IGF1R: variants seen among roughly 807,000 people sequenced by gnomAD.
The protein encoded by IGF1R is insulin-like growth factor 1 receptor.
A neutral mutation model predicts 144.6 loss-of-function variants in IGF1R; 44 were observed. The ratio of observed to expected loss-of-function variants is 0.30; its 90% confidence interval spans 0.24 to 0.39. IGF1R has a LOEUF of 0.39. Among genes scored for constraint, IGF1R ranks in the 10% least tolerant of loss-of-function variants. IGF1R has a pLI of 1.00. For missense variants in IGF1R, 1,355 were observed against 1,833.7 expected, an observed-to-expected ratio of 0.74 and a Z score of 4.77; for synonymous variants, 795 against 722.8, an observed-to-expected ratio of 1.10 and a Z score of -1.60.
At chr15:98,739,004 G>A (rs2054676119) in intron 2 of IGF1R, among the ~76,000 whole-genome samples, 1 of 151,902 alleles carries the variant, frequency 6.6e-6, no homozygotes, top group South Asian at 2.1e-4. Flanking sequence ...AAACTCAAGA[G>A]GTCTGAGTGA....
intron 1 of IGF1R, among the ~76,000 whole-genome samples, chr15:98,662,664 A>G (rs996610670): frequency 2.0e-5 from 3 of 152,080 alleles, no homozygotes; most frequent in African/African-American, 7.2e-5. Flanking sequence ...AAGTTATGGG[A>G]TGCTGACCGG....
chr15:98,836,024 C>G (rs546421155), intron 2 of IGF1R, among the ~76,000 whole-genome samples: 3 of 152,156 alleles, frequency 2.0e-5, no homozygotes, highest in Non-Finnish European at 2.9e-5. Context: ...TCATGTTCTT[C>G]CATCACTCTC....
chr15:98,830,605 CT>C (rs60426791), intron 2 of IGF1R, among the ~76,000 whole-genome samples: 428 of 135,834 alleles, frequency 3.2e-3, no homozygotes, highest in Admixed American at 5.6e-3. Flanking sequence ...TGATCATCAT[CT>C]TTTTTTTTTT....
chr15:98,936,241 T>C (rs1455198864), intron 17 of IGF1R, among the ~76,000 whole-genome samples: 1 of 152,224 alleles, frequency 6.6e-6, no homozygotes, highest in African/African-American at 2.4e-5. Flanking sequence ...GGATTTCTGC[T>C]TAGTTTCCTA....
intron 2 of IGF1R, among the ~76,000 whole-genome samples, chr15:98,759,945 T>C (rs912775511): frequency 1.3e-5 from 2 of 152,210 alleles, no homozygotes; most frequent in African/African-American, 4.8e-5. Context: ...AGATGACCAG[T>C]ATTTGCAGAC....
intron 2 of IGF1R, among the ~76,000 whole-genome samples, chr15:98,825,179 G>GACCATATACAGTGGC: frequency 6.6e-6 from 1 of 152,104 alleles, no homozygotes; most frequent in South Asian, 2.1e-4. Context: ...TAGCTTAGAA[G>GACCATATACAGTGGC]ACCATATACA....
chr15:98,754,781 G>A (rs1023658344), intron 2 of IGF1R, among the ~76,000 whole-genome samples: 2 of 152,282 alleles, frequency 1.3e-5, no homozygotes, highest in East Asian at 3.9e-4. Context: ...AATGAGAGGT[G>A]GGAGAAATTA....
intron 4 of IGF1R, among the ~76,000 whole-genome samples, chr15:98,898,526 C>T (rs2014316758): frequency 6.6e-6 from 1 of 152,234 alleles, no homozygotes; most frequent in African/African-American, 2.4e-5. Context: ...CGCAACCTCT[C>T]ATCTTTCCAA....
chr15:98,737,535 T>C (rs1206715987), intron 2 of IGF1R, among the ~76,000 whole-genome samples: 1 of 152,180 alleles, frequency 6.6e-6, no homozygotes, highest in African/African-American at 2.4e-5. Context: ...TTGAGCCCTG[T>C]CAAATAAATT....
intron 1 of IGF1R, among the ~76,000 whole-genome samples, chr15:98,679,059 C>T (rs2053122165): frequency 6.6e-6 from 1 of 151,790 alleles, no homozygotes; most frequent in Admixed American, 6.6e-5. Context: ...GTAGCTGGGA[C>T]CCATACCTGG....
At chr15:98,809,463 C>T (rs1427395077) in intron 2 of IGF1R, among the ~76,000 whole-genome samples, 1 of 152,140 alleles carries the variant, frequency 6.6e-6, no homozygotes, top group African/African-American at 2.4e-5. Flanking sequence ...TTGCCTGGTG[C>T]CAGGGCTCTG....
intron 2 of IGF1R, among the ~76,000 whole-genome samples, chr15:98,773,490 C>T (rs567565819): frequency 7.2e-5 from 11 of 152,308 alleles, no homozygotes; most frequent in Middle Eastern, 6.8e-3. Context: ...AGGATTAACA[C>T]GGAGCATTAC....
At chr15:98,934,772 T>C in intron 15 of IGF1R, 52 bp from the exon 16 acceptor site, 1 of 1,508,792 alleles carries the variant, frequency 6.6e-7, no homozygotes, top group Non-Finnish European at 9.2e-7. Context: ...CAAAGCACGT[T>C]CTGTCTAAGG....
At chr15:98,758,108 T>C (rs1001676090) in intron 2 of IGF1R, among the ~76,000 whole-genome samples, 2 of 152,200 alleles carry the variant, frequency 1.3e-5, no homozygotes, top group African/African-American at 4.8e-5. Context: ...TAGATTCTTA[T>C]TCCTTGCTCT....
intron 8 of IGF1R, among the ~76,000 whole-genome samples, chr15:98,914,210 A>G (rs986772547): frequency 6.6e-6 from 1 of 152,218 alleles, no homozygotes; most frequent in Non-Finnish European, 1.5e-5. Flanking sequence ...ATCACCTCCC[A>G]AAGGCCATGC....
intron 13 of IGF1R, among the ~76,000 whole-genome samples, chr15:98,926,624 C>G (rs1481503929): frequency 1.3e-5 from 2 of 152,042 alleles, no homozygotes; most frequent in African/African-American, 4.8e-5. Context: ...CAGTAGTCAC[C>G]TGGTCAGCAC....
chr15:98,813,430 A>G (rs1488104516), intron 2 of IGF1R, among the ~76,000 whole-genome samples: 1 of 152,202 alleles, frequency 6.6e-6, no homozygotes, highest in Non-Finnish European at 1.5e-5. Context: ...GAATTACTCC[A>G]GCCAGCTAGT....
At chr15:98,944,469 TA>T (rs943208293) in intron 19 of IGF1R, among the ~76,000 whole-genome samples, 1 of 152,248 alleles carries the variant, frequency 6.6e-6, no homozygotes, top group Non-Finnish European at 1.5e-5. Context: ...GTTTGCTTTT[TA>T]ACACAGGCTT....
chr15:98,884,320 G>A (rs528362133), intron 2 of IGF1R, among the ~76,000 whole-genome samples: 9 of 152,230 alleles, frequency 5.9e-5, no homozygotes, highest in East Asian at 3.9e-4. Context: ...CAAACTGCAC[G>A]CCAGGCATTT....
Sources: allele counts gnomAD v4.1 joint callset (sites outside exome capture counted in the v4.1 genomes callset), GRCh38; gene constraint gnomAD v4.1.1; transcripts MANE v1.5; gene names NCBI Gene and HGNC (gene_info 2026-07-23, HGNC 2026-07-21).